The following RFX3 variants were observed in gnomAD, a reference collection of about 807,000 sequenced individuals.
RFX3 encodes regulatory factor X3.
A neutral mutation model predicts 98.6 loss-of-function variants in RFX3; 14 were observed. The ratio of observed to expected loss-of-function variants is 0.14; its 90% CI spans 0.09 to 0.22. The LOEUF is 0.22. RFX3 is among the 10% of genes least tolerant of loss of function. RFX3 has a pLI of 1.00. For missense variants in RFX3, 639 were observed against 926.9 expected, an observed-to-expected ratio of 0.69 and a Z score of 4.03; for synonymous variants, 383 against 328.4, an observed-to-expected ratio of 1.17 and a Z score of -1.80.
chr9:3,412,581 AAAAG>A (rs1483533929), intron 1 of RFX3, among the ~76,000 whole-genome samples: 1 of 152,184 alleles, frequency 6.6e-6, no homozygotes, highest in Non-Finnish European at 1.5e-5. Context: ...AAAAGTTTAT[AAAAG>A]AAAGGTGCAA....
At chr9:3,246,265 T>C (rs1399215047) in intron 15 of RFX3, among the ~76,000 whole-genome samples, 4 of 151,950 alleles carry the variant, frequency 2.6e-5, no homozygotes, top group South Asian at 2.1e-4. Flanking sequence ...AAATCTGTCA[T>C]ATTCATTTAG....
chr9:3,315,138 A>G (rs1830438967), intron 4 of RFX3, among the ~76,000 whole-genome samples: 1 of 152,310 alleles, frequency 6.6e-6, no homozygotes, highest in East Asian at 1.9e-4. Context: ...AGCACTCCTC[A>G]GCAAATGTAA....
intron 3 of RFX3, among the ~76,000 whole-genome samples, chr9:3,332,397 T>C (rs543227337): frequency 2.6e-4 from 40 of 152,288 alleles, no homozygotes; most frequent in Admixed American, 9.8e-4. Flanking sequence ...TTAGTATATA[T>C]TGAACCATGA....
chr9:3,452,764 T>C (rs999324416), intron 1 of RFX3, among the ~76,000 whole-genome samples: 1 of 152,290 alleles, frequency 6.6e-6, no homozygotes, highest in Middle Eastern at 3.4e-3. Flanking sequence ...TAAAAACTTA[T>C]TATAAAAGCA....
intron 4 of RFX3, among the ~76,000 whole-genome samples, chr9:3,325,000 G>C (rs946885192): frequency 5.3e-5 from 8 of 151,976 alleles, no homozygotes; most frequent in Non-Finnish European, 1.0e-4. Context: ...AAAAATAAGA[G>C]AGAACTTGGT....
At chr9:3,247,631 T>C (rs1820850763) in intron 15 of RFX3, 1 of 1,358,156 alleles carries the variant, frequency 7.4e-7, no homozygotes, top group African/African-American at 1.5e-5. Flanking sequence ...ATTTACTTTG[T>C]TCTTGGAGAC....
chr9:3,419,909 C>T (rs1308896368), intron 1 of RFX3, among the ~76,000 whole-genome samples: 6 of 152,174 alleles, frequency 3.9e-5, no homozygotes, highest in African/African-American at 7.2e-5. Context: ...AGAACTGGCT[C>T]ACATGGAAGG....
intron 1 of RFX3, among the ~76,000 whole-genome samples, chr9:3,506,193 T>A (rs1817074290): frequency 6.6e-6 from 1 of 151,010 alleles, no homozygotes; most frequent in South Asian, 2.1e-4. Flanking sequence ...GATAGATTTA[T>A]GAAGGACAAC....
intron 1 of RFX3, chr9:3,524,540 A>C: frequency 1.0e-6 from 1 of 979,110 alleles, no homozygotes; most frequent in Non-Finnish European, 1.2e-6. Context: ...CAACTCTCAA[A>C]GGAAAATGAG....
intron 1 of RFX3, among the ~76,000 whole-genome samples, chr9:3,509,270 G>A (rs1817432500): frequency 6.6e-6 from 1 of 151,830 alleles, no homozygotes; most frequent in African/African-American, 2.4e-5. Context: ...ACCTATATCA[G>A]CTGCCAGTAT....
chr9:3,266,350 A>C, intron 11 of RFX3, 45 bp from the exon 12 acceptor site: 1 of 1,249,712 alleles, frequency 8.0e-7, no homozygotes, highest in Non-Finnish European at 1.2e-6. Flanking sequence ...AGTATGAAAG[A>C]ATATTAATGT....
intron 1 of RFX3, among the ~76,000 whole-genome samples, chr9:3,406,228 C>T (rs755000389): frequency 2.6e-5 from 4 of 151,782 alleles, no homozygotes; most frequent in African/African-American, 7.3e-5. Context: ...CTCCCAAAAT[C>T]CTGGGATTAC....
intron 1 of RFX3, among the ~76,000 whole-genome samples, chr9:3,480,471 C>T (rs1226628129): frequency 6.6e-6 from 1 of 152,178 alleles, no homozygotes; most frequent in Non-Finnish European, 1.5e-5. Flanking sequence ...AAGCTACAGG[C>T]CCAACCCAAA....
intron 15 of RFX3, among the ~76,000 whole-genome samples, chr9:3,234,376 C>T (rs980604549): frequency 2.6e-5 from 4 of 152,190 alleles, no homozygotes; most frequent in South Asian, 2.1e-4. Context: ...CAGTGGCTTA[C>T]GCTTGTAATA....
chr9:3,436,547 T>C (rs2132621646), intron 1 of RFX3, among the ~76,000 whole-genome samples: 1 of 152,232 alleles, frequency 6.6e-6, no homozygotes, highest in African/African-American at 2.4e-5. Context: ...AATACTTCAG[T>C]AATTCCTCCA....
intron 3 of RFX3, among the ~76,000 whole-genome samples, chr9:3,340,982 T>C (rs967305599): frequency 2.0e-5 from 3 of 152,132 alleles, no homozygotes; most frequent in African/African-American, 4.8e-5. Context: ...CTATTCACAA[T>C]AGCAAACACT....
intron 1 of RFX3, among the ~76,000 whole-genome samples, chr9:3,399,524 T>A (rs2132002875): frequency 6.6e-6 from 1 of 152,282 alleles, no homozygotes; most frequent in East Asian, 1.9e-4. Flanking sequence ...GCACATATTA[T>A]GTGTTCTATA....
rs770672447 is a variant in RFX3, at chr9:3,225,196, A to G, written c.2096T>C (p.Leu699Pro). 1 of 1,613,948 alleles carries G rather than the reference A, an allele frequency of 6.2e-7. No homozygotes were observed. Among genetic ancestry groups the G allele is most frequent in the South Asian group, 1.1e-5 (1 of 91,092 alleles). ...GCAGCCCACTGGAAATGCCTGGCTCAGCTCTGTTTTCTCTCTTTTGGCTTG... is the reference window on the plus strand; with the variant it reads ...GCAGCCCACTGGAAATGCCTGGCTCGGCTCTGTTTTCTCTCTTTTGGCTTG... ...EPQAKREKTELSQAFPVGCMQ... is the reference protein window; with the variant it reads ...EPQAKREKTEPSQAFPVGCMQ... Residue 699 changes from leucine to proline, a missense_variant, in exon 17 of 17, where the codon CTG (leucine) becomes CCG (proline). Leu to Pro is a moderately conservative substitution (Grantham distance 98). This residue lies in a region of RFX3 where 129 missense variants were observed against 124.6 expected (regional missense o/e 1.04). Transcript: ENST00000617270.
intron 11 of RFX3, among the ~76,000 whole-genome samples, chr9:3,269,541 T>C (rs967527850): frequency 1.3e-5 from 2 of 152,166 alleles, no homozygotes; most frequent in Non-Finnish European, 2.9e-5. Flanking sequence ...TGTACTCATA[T>C]AGATATAGGC....
Sources: allele counts gnomAD v4.1 joint callset (sites outside exome capture counted in the v4.1 genomes callset), GRCh38; gene constraint gnomAD v4.1.1; regional missense constraint gnomAD v4.1.1; transcripts MANE v1.5; gene names NCBI Gene and HGNC (gene_info 2026-07-23, HGNC 2026-07-21).